Variants in ARHGAP22 observed in about 807,000 individuals in gnomAD.
ARHGAP22 encodes rho GTPase-activating protein 22.
ARHGAP22 carries 48 observed loss-of-function variants against 59.1 expected under a neutral mutation model. That is an observed-to-expected ratio of 0.81 (90% CI 0.64 to 1.03). ARHGAP22 has a LOEUF of 1.03. ARHGAP22 is among the 50% of genes least tolerant of loss of function. The pLI is 0.00. For synonymous variants in ARHGAP22, 445 were observed against 416.4 expected (o/e 1.07, Z -0.84); for missense variants, 1,015 against 958.7 (o/e 1.06, Z -0.78).
chr10:48,615,666 G>A, intron 1 of ARHGAP22, among the ~76,000 whole-genome samples: 1 of 152,164 alleles, frequency 6.6e-6, no homozygotes, highest in South Asian at 2.1e-4. Context: ...TCAGATATTG[G>A]ACTTACTAGA....
chr10:48,654,130 G>T (rs927420947), upstream of ARHGAP22, among the ~76,000 whole-genome samples: 5 of 152,162 alleles, frequency 3.3e-5, no homozygotes, highest in Non-Finnish European at 7.3e-5. Context: ...GAGCAGGAAA[G>T]CCCTCATAAT....
At chr10:48,648,241 T>A (rs968717377) in intron 1 of ARHGAP22, among the ~76,000 whole-genome samples, 1 of 152,082 alleles carries the variant, frequency 6.6e-6, no homozygotes, top group Non-Finnish European at 1.5e-5. Context: ...TAATAACCAA[T>A]GCCATGAAGA....
At chr10:48,457,951 T>G (rs1589471272) in intron 5 of ARHGAP22, among the ~76,000 whole-genome samples, 1 of 9,000 alleles carries the variant, frequency 1.1e-4, no homozygotes, top group Non-Finnish European at 2.1e-4. Context: ...GGACCTTCTG[T>G]TGGGGTTGGG....
intron 3 of ARHGAP22, among the ~76,000 whole-genome samples, chr10:48,525,119 A>G (rs1260918285): frequency 6.6e-6 from 1 of 152,222 alleles, no homozygotes; most frequent in African/African-American, 2.4e-5. Context: ...AAGCTGCTTT[A>G]TTAAAACTAA....
chr10:48,557,255 G>T (rs1429384950), intron 2 of ARHGAP22, among the ~76,000 whole-genome samples: 1 of 152,054 alleles, frequency 6.6e-6, no homozygotes, highest in African/African-American at 2.4e-5. Flanking sequence ...CATCTTGGGC[G>T]TTTGCTGTTT....
upstream of ARHGAP22, chr10:48,656,265 T>TGGGGGGG (rs760924651): frequency 6.9e-5 from 7 of 101,638 alleles, no homozygotes; most frequent in Admixed American, 1.7e-4. Flanking sequence ...TCGGCGCCTC[T>TGGGGGGG]GGGGGGGGGG....
intron 3 of ARHGAP22, among the ~76,000 whole-genome samples, chr10:48,489,741 T>TC: frequency 6.7e-6 from 1 of 149,328 alleles, no homozygotes; most frequent in Admixed American, 6.6e-5. Flanking sequence ...TTTTTTTTTT[T>TC]TTTTTTTTTT....
chr10:48,439,053 T>G, the ARHGAP22 span: 2 of 152,138 alleles, frequency 1.3e-5, no homozygotes, highest in African/African-American at 4.8e-5. Flanking sequence ...TCATTACAGT[T>G]TATCCTGGTC....
At chr10:48,535,161 A>G (rs1166105274) in intron 3 of ARHGAP22, among the ~76,000 whole-genome samples, 1 of 152,220 alleles carries the variant, frequency 6.6e-6, no homozygotes, top group African/African-American at 2.4e-5. Flanking sequence ...ATCATAAGTC[A>G]TTGACACAAC....
intron 1 of ARHGAP22, among the ~76,000 whole-genome samples, chr10:48,591,286 A>C (rs1055116494): frequency 3.3e-5 from 5 of 152,358 alleles, no homozygotes; most frequent in Middle Eastern, 6.8e-3. Context: ...GAATTCAAGT[A>C]CCCAAAGGTT....
chr10:48,505,735 G>A (rs570388310), intron 3 of ARHGAP22, among the ~76,000 whole-genome samples: 52 of 152,316 alleles, frequency 3.4e-4, no homozygotes, highest in African/African-American at 1.2e-3. Flanking sequence ...TCCTGGCTGG[G>A]ATGGAGAGAG....
chr10:48,486,336 A>T (rs910515569), intron 3 of ARHGAP22, among the ~76,000 whole-genome samples: 1 of 150,156 alleles, frequency 6.7e-6, no homozygotes. Flanking sequence ...TTATTATTTT[A>T]TTATTATTAT....
At chr10:48,438,961 T>C in the ARHGAP22 span, 1 of 152,296 alleles carries the variant, frequency 6.6e-6, no homozygotes, top group African/African-American at 2.4e-5. Context: ...TTTGGTATAT[T>C]TTTGAGAAGC....
chr10:48,435,113 A>T, the ARHGAP22 span: 1 of 1,060,386 alleles, frequency 9.4e-7, no homozygotes. Flanking sequence ...CAGTGGTCTT[A>T]TTTTTGGGTG....
At chr10:48,526,936 T>G (rs1564821487) in intron 3 of ARHGAP22, among the ~76,000 whole-genome samples, 1 of 152,230 alleles carries the variant, frequency 6.6e-6, no homozygotes, top group Non-Finnish European at 1.5e-5. Flanking sequence ...AATTACACAT[T>G]GTCTTTTTAT....
upstream of ARHGAP22, among the ~76,000 whole-genome samples, chr10:48,606,302 A>C (rs1010311891): frequency 5.3e-5 from 8 of 152,110 alleles, no homozygotes; most frequent in African/African-American, 1.9e-4. Flanking sequence ...AGTCCTCCCT[A>C]GGGAACAGTG....
intron 3 of ARHGAP22, chr10:48,493,548 G>T: frequency 6.6e-7 from 1 of 1,523,610 alleles, no homozygotes; most frequent in South Asian, 1.2e-5. Context: ...ACCTGTTGGG[G>T]TGCAGAAAAC....
At chr10:48,470,030 A>G (rs777184878) in intron 4 of ARHGAP22, among the ~76,000 whole-genome samples, 1 of 152,200 alleles carries the variant, frequency 6.6e-6, no homozygotes, top group Non-Finnish European at 1.5e-5. Context: ...TCACAGGGCT[A>G]TTGTCAGGCT....
At chr10:48,465,532 G>A (rs376035483) in intron 4 of ARHGAP22, among the ~76,000 whole-genome samples, 2 of 152,224 alleles carry the variant, frequency 1.3e-5, no homozygotes, top group East Asian at 3.8e-4. Flanking sequence ...TTGAAATGCG[G>A]CTTTCTCCGG....
Sources: allele counts gnomAD v4.1 joint callset (sites outside exome capture counted in the v4.1 genomes callset), GRCh38; gene constraint gnomAD v4.1.1; transcripts MANE v1.5; gene names NCBI Gene and HGNC (gene_info 2026-07-23, HGNC 2026-07-21).